The following LRRIQ3 variants were observed in gnomAD, a reference collection of about 807,000 sequenced individuals.
The protein encoded by LRRIQ3 is leucine-rich repeat and IQ domain-containing protein 3.
LRRIQ3 carries 75 observed loss-of-function variants against 59.3 expected under a neutral mutation model. The observed-to-expected ratio is 1.26, with a 90% CI of 1.05 to 1.53. LRRIQ3 has a LOEUF of 1.53. LRRIQ3 is among the 40% of genes most tolerant of loss of function. LRRIQ3 has a pLI of 0.00. For synonymous variants in LRRIQ3, 250 were observed against 231.3 expected (o/e 1.08, Z -0.73); for missense variants, 831 against 710.0 (o/e 1.17, Z -1.94).
At chr1:74,091,510 T>G (rs919705560) in intron 5 of LRRIQ3, among the ~76,000 whole-genome samples, 15 of 152,014 alleles carry the variant, frequency 9.9e-5, no homozygotes, top group African/African-American at 3.4e-4. Flanking sequence ...AAATTAAAAT[T>G]TATTGATTAA....
intron 1 of LRRIQ3, among the ~76,000 whole-genome samples, chr1:74,185,838 G>A (rs1411323219): frequency 6.6e-6 from 1 of 151,898 alleles, no homozygotes; most frequent in African/African-American, 2.4e-5. Flanking sequence ...AGCTACTCGG[G>A]AGGCTGAGGC....
chr1:74,096,210 C>G (rs1646447337), intron 5 of LRRIQ3, among the ~76,000 whole-genome samples: 1 of 151,962 alleles, frequency 6.6e-6, no homozygotes, highest in Non-Finnish European at 1.5e-5. Context: ...CTTATTGTAT[C>G]ATGTCATGCA....
At chr1:74,118,639 G>GT (rs1396993929) in intron 4 of LRRIQ3, among the ~76,000 whole-genome samples, 1 of 151,940 alleles carries the variant, frequency 6.6e-6, no homozygotes, top group Non-Finnish European at 1.5e-5. Flanking sequence ...GCGTAAGAGT[G>GT]TATTAGTCAG....
At chr1:74,122,094 T>C (rs1371565960) in intron 4 of LRRIQ3, among the ~76,000 whole-genome samples, 1 of 152,128 alleles carries the variant, frequency 6.6e-6, no homozygotes. Context: ...TTTGGGTATA[T>C]ACCCAGTAAT....
At chr1:74,030,399 G>C (rs1272365087) in intron 7 of LRRIQ3, among the ~76,000 whole-genome samples, 2 of 152,072 alleles carry the variant, frequency 1.3e-5, no homozygotes, top group Admixed American at 6.6e-5. Context: ...CATGGTACTG[G>C]TACCAAAACA....
intron 5 of LRRIQ3, among the ~76,000 whole-genome samples, chr1:74,100,415 A>G (rs1231936469): frequency 6.6e-6 from 1 of 152,234 alleles, no homozygotes; most frequent in Non-Finnish European, 1.5e-5. Flanking sequence ...AGAGGACACA[A>G]ACAAATGGAA....
At chr1:74,072,001 A>C (rs1655041386) in intron 6 of LRRIQ3, among the ~76,000 whole-genome samples, 1 of 152,168 alleles carries the variant, frequency 6.6e-6, no homozygotes, top group Admixed American at 6.6e-5. Context: ...TCTTATATTA[A>C]CAATATAAGG....
chr1:74,130,124 C>T (rs1646991104), intron 4 of LRRIQ3, among the ~76,000 whole-genome samples: 2 of 151,974 alleles, frequency 1.3e-5, no homozygotes, highest in African/African-American at 4.8e-5. Context: ...GGTTATGCTC[C>T]CCTGTCAACT....
intron 3 of LRRIQ3, among the ~76,000 whole-genome samples, chr1:74,163,809 T>C (rs1220168787): frequency 6.6e-6 from 1 of 151,538 alleles, no homozygotes; most frequent in African/African-American, 2.4e-5. Context: ...GATTATTCCA[T>C]GTTTAGTTTT....
At chr1:74,040,889 C>T (rs777982243) in intron 7 of LRRIQ3, among the ~76,000 whole-genome samples, 3 of 152,018 alleles carry the variant, frequency 2.0e-5, no homozygotes, top group Non-Finnish European at 4.4e-5. Flanking sequence ...GAGCTAGAGG[C>T]CGGACACGTT....
chr1:74,099,127 T>G (rs1570109959), intron 5 of LRRIQ3, among the ~76,000 whole-genome samples: 1 of 152,082 alleles, frequency 6.6e-6, no homozygotes, highest in Middle Eastern at 3.4e-3. Context: ...GCTGGTTTTT[T>G]GAAAAGATCA....
chr1:74,187,433 G>C (rs755823990), intron 1 of LRRIQ3, among the ~76,000 whole-genome samples: 1 of 151,844 alleles, frequency 6.6e-6, no homozygotes, highest in Non-Finnish European at 1.5e-5. Flanking sequence ...GTCTTCTGCA[G>C]CAACTTGGAT....
intron 5 of LRRIQ3, among the ~76,000 whole-genome samples, chr1:74,093,126 CAA>C (rs796595541): frequency 7.0e-6 from 1 of 143,034 alleles, no homozygotes; most frequent in African/African-American, 2.5e-5. Flanking sequence ...AATGTATTAC[CAA>C]AAAAAAAAAG....
intron 1 of LRRIQ3, among the ~76,000 whole-genome samples, chr1:74,195,758 C>CT (rs1421497059): frequency 6.6e-6 from 1 of 152,120 alleles, no homozygotes; most frequent in Non-Finnish European, 1.5e-5. Flanking sequence ...AATTAATGGG[C>CT]TTACAGCTTG....
intron 6 of LRRIQ3, among the ~76,000 whole-genome samples, chr1:74,042,451 T>C (rs929616377): frequency 2.0e-5 from 3 of 152,076 alleles, no homozygotes; most frequent in African/African-American, 7.2e-5. Flanking sequence ...CATAATCATA[T>C]CAGTTGGTGG....
intron 4 of LRRIQ3, among the ~76,000 whole-genome samples, chr1:74,154,238 CTCAAAAAAAAAAAAAA>C (rs1648172886): frequency 2.9e-5 from 1 of 34,698 alleles, no homozygotes; most frequent in Non-Finnish European, 4.6e-5. Flanking sequence ...GAGACTCCTT[CTCAAAAAAAAAAAAAA>C]AAAAAAAAAA....
At chr1:74,113,502 G>A (rs975919577) in intron 4 of LRRIQ3, among the ~76,000 whole-genome samples, 4 of 151,988 alleles carry the variant, frequency 2.6e-5, no homozygotes, top group Non-Finnish European at 4.4e-5. Context: ...AGAAAATCTC[G>A]AAAATGTCTT....
At chr1:74,077,395 T>C (rs1353963072) in intron 5 of LRRIQ3, among the ~76,000 whole-genome samples, 1 of 151,906 alleles carries the variant, frequency 6.6e-6, no homozygotes, top group Non-Finnish European at 1.5e-5. Flanking sequence ...ATGAGTATGT[T>C]CAGTGATCCT....
Position 74,182,746 on chromosome 1 carries a change from G to A in LRRIQ3, c.365C>T (p.Pro122Leu). The change falls in exon 3 of 8, where the codon CCA (proline) becomes CTA (leucine). Residue 122 changes from proline (P) to leucine (L), a missense_variant. Transcript: ENST00000354431. ...LKNICVLSAC[P>L]TLIALTMFDC... ...AAACATAGTGAGGGCAATGAGGGTTGGACAGGCAGATAATACACATATATT... is the reference window on the plus strand; with the variant it reads ...AAACATAGTGAGGGCAATGAGGGTTAGACAGGCAGATAATACACATATATT... The A allele has an allele frequency of 6.2e-7, 1 of 1,612,206 alleles. No individual in the cohort carries two copies.
Sources: gnomAD v4.1 joint callset for allele counts (sites outside exome capture counted in the v4.1 genomes callset) on GRCh38, gnomAD v4.1.1 for gene constraint, MANE v1.5 for transcripts, NCBI Gene and HGNC (gene_info 2026-07-23, HGNC 2026-07-21) for gene names.